The following HMCN2 variants were observed in gnomAD, a reference collection of about 807,000 sequenced individuals.
HMCN2 encodes hemicentin-2.
HMCN2 carries 325 observed loss-of-function variants against 377.5 expected under a neutral mutation model. The ratio of observed to expected loss-of-function variants is 0.86; its 90% confidence interval spans 0.79 to 0.94. The LOEUF is 0.94. Ranked by LOEUF, HMCN2 falls within the 40% of genes least tolerant of loss-of-function variation. HMCN2 has a pLI of 0.00. For missense variants in HMCN2, 4,543 were observed against 4,725.3 expected, an observed-to-expected ratio of 0.96 and a Z score of 1.13; for synonymous variants, 2,007 against 2,046.8, an observed-to-expected ratio of 0.98 and a Z score of 0.53.
chr9:130,281,928 G>T (rs1835145085), intron 1 of HMCN2, among the ~76,000 whole-genome samples: 1 of 151,654 alleles, frequency 6.6e-6, no homozygotes, highest in African/African-American at 2.4e-5. Context: ...CCTACCAGGT[G>T]CTAGGAGGAA....
In HMCN2 at chr9:130,422,426, A is replaced by G; in HGVS notation, c.13232-151A>G. ...CCAAGATCCCCTGGGCGTTGAGTCC[A>G]TGACCCCTTAGCTGTGTGTCCTTGG... On this transcript the variant is annotated intron_variant, in intron 86 of 97. Transcript: ENST00000683500. This position sits in a 1 kb window ranked among gnomAD's most constrained non-coding sequence, Gnocchi z 4.2. The G allele has an allele frequency of 2.0e-6, 1 of 504,944 alleles. No homozygotes were observed. Among genetic ancestry groups the G allele is most frequent in the Non-Finnish European group, 3.1e-6 (1 of 323,034 alleles). 31.3% of individuals were successfully genotyped at this position (504,944 alleles called of 1,614,324 possible). A position where few individuals can be genotyped will look rare whatever the true frequency, so the allele number is the denominator to read the frequency against.
intron 85 of HMCN2, among the ~76,000 whole-genome samples, chr9:130,418,419 G>A (rs766805160): frequency 2.6e-5 from 4 of 152,098 alleles, no homozygotes; most frequent in Non-Finnish European, 4.4e-5. Context: ...AAATCAGCCA[G>A]GTGTGGTAGC....
intron 4 of HMCN2, among the ~76,000 whole-genome samples, chr9:130,293,345 C>T (rs1554930775): frequency 2.4e-5 from 3 of 124,990 alleles, no homozygotes. Context: ...GTTGAACCGC[C>T]GGGTTTGGAA....
In HMCN2 at chr9:130,313,607, C is replaced by CCCG. The variant is rs1457232991; in HGVS notation, c.2350+3548_2350+3549insGCC. Reference sequence around the variant, plus strand: ...TAAATAATGCATGTGGGCACCCCCCCCCATAAACCTGTGTCCAGGCTGGGT... The same window carrying CCCG: ...TAAATAATGCATGTGGGCACCCCCCCCCGCCATAAACCTGTGTCCAGGCTGGGT... On this transcript the variant is annotated intron_variant, in intron 15 of 97. Coordinates refer to ENST00000683500, the MANE Select transcript of HMCN2 (RefSeq NM_001291815.2). Among the ~76,000 whole-genome samples the CCCG allele has an allele frequency of 7.2e-5, 11 of 151,916 alleles. No homozygotes were observed. In the South Asian group the frequency reaches 8.3e-4, roughly 12 times the overall value.
chr9:130,278,051 TTAC>T lies in HMCN2; in HGVS notation c.260-6551_260-6549del, dbSNP rs1160391316. The stretch of plus-strand genomic sequence containing the variant: ...ACGATCATCACCACCACCATCATCA[TTAC>T]CACCACCACCACCACCATCATCATC... On this transcript the variant is annotated intron_variant, in intron 1 of 97. Transcript: ENST00000683500. Among the ~76,000 whole-genome samples, 61 of 101,718 alleles carry T rather than the reference TTAC, an allele frequency of 6.0e-4. 1 individual carries two copies. Among genetic ancestry groups the T allele is most frequent in the Middle Eastern group, 6.2e-3 (1 of 162 alleles). 66.7% of individuals were successfully genotyped at this position (101,718 alleles called of 152,430 possible).
intron 29 of HMCN2, among the ~76,000 whole-genome samples, chr9:130,350,791 C>T (rs554352146): frequency 6.1e-5 from 9 of 147,706 alleles, no homozygotes; most frequent in South Asian, 2.2e-4. Flanking sequence ...CTGTAGTCTC[C>T]GCTACTTGGG....
At chr9:130,387,423 C>G (rs1360339538) in intron 61 of HMCN2, among the ~76,000 whole-genome samples, 2 of 152,178 alleles carry the variant, frequency 1.3e-5, no homozygotes. Context: ...TCTTCCATTT[C>G]TTAGGGTGTT....
chr9:130,370,650 G>A (rs112180466), intron 45 of HMCN2, among the ~76,000 whole-genome samples: 1,970 of 152,340 alleles, frequency 0.013, 56 homozygotes, highest in African/African-American at 0.045. Context: ...GGTCCCACTG[G>A]CTCAGCGCTT....
intron 15 of HMCN2, among the ~76,000 whole-genome samples, chr9:130,310,997 G>A (rs1244433022): frequency 6.6e-6 from 1 of 152,184 alleles, no homozygotes; most frequent in Non-Finnish European, 1.5e-5. Flanking sequence ...TGCTGCAGAT[G>A]TGGAGTCCAA....
chr9:130,315,763 C>T (rs1481027638), intron 15 of HMCN2, among the ~76,000 whole-genome samples: 2 of 152,128 alleles, frequency 1.3e-5, no homozygotes, highest in Non-Finnish European at 2.9e-5. Context: ...CCAGGGTTCT[C>T]TTCCTGGCTG....
intron 53 of HMCN2, among the ~76,000 whole-genome samples, chr9:130,378,491 G>A (rs1483490201): frequency 1.6e-5 from 1 of 61,894 alleles, no homozygotes; most frequent in Non-Finnish European, 3.9e-5. Flanking sequence ...GGAGTGGGAG[G>A]CTGGGATGGG....
chr9:130,322,319 AATCTATCT>A (rs1203579796), intron 19 of HMCN2, among the ~76,000 whole-genome samples: 5,091 of 149,474 alleles, frequency 0.034, 248 homozygotes, highest in African/African-American at 0.11. Flanking sequence ...CTATCTATCT[AATCTATCT>A]ATCTATCTAT....
intron 25 of HMCN2, among the ~76,000 whole-genome samples, chr9:130,343,485 C>T (rs2131486801): frequency 6.6e-6 from 1 of 152,306 alleles, no homozygotes; most frequent in Non-Finnish European, 1.5e-5. Context: ...CTGGGAGCCC[C>T]TCTGGATCCC....
chr9:130,425,912 GC>G lies in HMCN2; in HGVS notation c.13870del (p.Leu4624CysfsTer84). On this transcript the variant is annotated frameshift_variant, in exon 90 of 98. Coordinates refer to ENST00000683500, the MANE Select transcript of HMCN2 (RefSeq NM_001291815.2). LOFTEE classifies it high-confidence loss of function. ...AEALRFQLAT[A>X]LQAEENEVGC... is the part of the protein sequence containing the mutation. ...GGCCCTGCGCTTCCAGCTCGCTACA[GC>G]CCTGCAGGCGGGTGAGGCCCCTCTG... 4 of 1,548,002 alleles carry G rather than the reference GC, an allele frequency of 2.6e-6. No homozygotes were observed. Among genetic ancestry groups the G allele is most frequent in the Non-Finnish European group, 3.5e-6 (4 of 1,146,550 alleles).
At chr9:130,379,503 G>A (rs1017797825) in intron 54 of HMCN2, 36 bp downstream of exon 54, 1 of 937,368 alleles carries the variant, frequency 1.1e-6, no homozygotes, top group Non-Finnish European at 1.3e-6. Context: ...TGGGCGCTTT[G>A]AGCTCTCCTG....
chr9:130,386,626 C>T, intron 61 of HMCN2, 102 bp downstream of exon 61: 1 of 634,998 alleles, frequency 1.6e-6, no homozygotes, highest in East Asian at 7.4e-5. Context: ...GGCAGTGCTG[C>T]CAAGTGCTGA....
chr9:130,428,625 G>C lies in HMCN2; in HGVS notation c.14197+136G>C. 1 of 1,260,590 alleles carries C rather than the reference G, an allele frequency of 7.9e-7. No homozygotes were observed. The highest frequency in any genetic ancestry group is 1.1e-6 in the Non-Finnish European group (1 of 925,414). The allele number at this position is 1,260,590 out of a possible 1,614,324, so 78.1% of individuals were successfully genotyped here. ...TGGGACTCTTGGCAGAAGGAGTACAGCAAGGCTGGGGACAAAGCCTGCGCC... is the reference window on the plus strand; with the variant it reads ...TGGGACTCTTGGCAGAAGGAGTACACCAAGGCTGGGGACAAAGCCTGCGCC... On this transcript the variant is annotated intron_variant, in intron 93 of 97. Coordinates refer to ENST00000683500, the MANE Select transcript of HMCN2 (RefSeq NM_001291815.2). This position sits in a 1 kb window ranked among gnomAD's most constrained non-coding sequence, Gnocchi z 5.0.
intron 63 of HMCN2, 39 bp downstream of exon 63, chr9:130,391,159 G>A: frequency 2.0e-6 from 2 of 987,902 alleles, no homozygotes; most frequent in African/African-American, 1.7e-5. Flanking sequence ...CACTCCCATG[G>A]CAGCCCCTGC....
At chr9:130,340,212 G>T (rs1838973302) in intron 23 of HMCN2, among the ~76,000 whole-genome samples, 2 of 152,262 alleles carry the variant, frequency 1.3e-5, no homozygotes, top group African/African-American at 2.4e-5. Context: ...CACAGCCAGG[G>T]GGAGGGAAGG....
Sources: allele counts gnomAD v4.1 joint callset (sites outside exome capture counted in the v4.1 genomes callset), GRCh38; gene constraint gnomAD v4.1.1; non-coding constraint Gnocchi (gnomAD v3.1); transcripts MANE v1.5; gene names NCBI Gene and HGNC (gene_info 2026-07-23, HGNC 2026-07-21).